RFX2: variants seen among roughly 807,000 people sequenced by gnomAD.
RFX2 encodes the protein regulatory factor X2, also known as DNA-binding protein RFX2.
RFX2 carries 20 observed loss-of-function variants against 87.8 expected under a neutral mutation model. The ratio of observed to expected loss-of-function variants is 0.23; its 90% CI spans 0.16 to 0.33. The LOEUF (loss-of-function observed/expected upper bound fraction) is 0.33. RFX2 is among the 10% of genes least tolerant of loss of function. The probability of loss-of-function intolerance (pLI) is 1.00; values close to 1 mark genes in which losing one functional copy is unlikely to be tolerated. For synonymous variants in RFX2, 397 were observed against 431.3 expected (o/e 0.92, Z 0.98); for missense variants, 767 against 1,012.3 (o/e 0.76, Z 3.29).
rs1000954125 is a variant in RFX2 at position 5,993,262 on chromosome 19, T to C, written c.*1573A>G. Reference sequence around the variant, plus strand: ...CTTCAGTGTCTCCAAGGAGAGGAGATGTATATTTTAAAGACATTCTTTCTG... The same window carrying C: ...CTTCAGTGTCTCCAAGGAGAGGAGACGTATATTTTAAAGACATTCTTTCTG... On this transcript the variant is annotated 3_prime_UTR_variant, in exon 18 of 18. Transcript: ENST00000303657. 2 of 152,202 alleles carry C rather than the reference T, an allele frequency of 1.3e-5. No homozygotes were observed. The highest frequency in any genetic ancestry group is 6.5e-5 in the Admixed American group (1 of 15,280). The allele number at this position is 152,202 out of a possible 1,614,324, so 9.4% of individuals were successfully genotyped here.
Position 6,002,615 on chromosome 19 carries a change from G to C in RFX2, c.1650+106C>G. ...TGTCATGCAACAGAACCGTGGCCAGGCTCGGGGCAGGGGCCAGGTTGTGCC... is the reference window on the plus strand; with the variant it reads ...TGTCATGCAACAGAACCGTGGCCAGCCTCGGGGCAGGGGCCAGGTTGTGCC... On this transcript the variant is annotated intron_variant, in intron 14 of 17. Transcript: ENST00000303657. This position sits in a 1 kb window ranked among gnomAD's most constrained non-coding sequence, Gnocchi z 6.7. 1 of 1,410,258 alleles carries C rather than the reference G, an allele frequency of 7.1e-7. No homozygotes were observed. 87.4% of individuals were successfully genotyped at this position (1,410,258 alleles called of 1,614,324 possible).
chr19:6,004,406 T>C lies in RFX2; in HGVS notation c.1403-108A>G, dbSNP rs59479675. On this transcript the variant is annotated intron_variant, in intron 12 of 17. Transcript: ENST00000303657. This position sits in a 1 kb window ranked among gnomAD's most constrained non-coding sequence, Gnocchi z 4.8. ...CCAAGTGCGATGAAAATGACCACCA[T>C]GAAGAACGAGCCACACAGGCGACGG... The C allele has an allele frequency of 7.2e-4, 660 of 913,182 alleles. 5 individuals are homozygous for C. The African/African-American group carries it at 1.0e-2, about 14-fold the overall frequency. The allele number at this position is 913,182 out of a possible 1,614,324, so 56.6% of individuals were successfully genotyped here.
At chr19:6,066,270 C>T (rs892759707) in intron 1 of RFX2, among the ~76,000 whole-genome samples, 12 of 152,298 alleles carry the variant, frequency 7.9e-5, no homozygotes, top group Non-Finnish European at 1.5e-5. Context: ...AACTTCTTAA[C>T]AGGAACATTG....
chr19:6,097,534 C>T (rs1328136274), intron 1 of RFX2, among the ~76,000 whole-genome samples: 2 of 152,132 alleles, frequency 1.3e-5, no homozygotes, highest in African/African-American at 2.4e-5. Context: ...ACATGTAATA[C>T]ACCAGGCACA....
intron 1 of RFX2, among the ~76,000 whole-genome samples, chr19:6,086,533 T>C (rs1404615588): frequency 6.6e-6 from 1 of 152,202 alleles, no homozygotes; most frequent in Non-Finnish European, 1.5e-5. Context: ...TGGGATCACT[T>C]GTATATGTGG....
At chr19:6,029,475 A>G (rs1342523318) in intron 5 of RFX2, among the ~76,000 whole-genome samples, 2 of 152,120 alleles carry the variant, frequency 1.3e-5, no homozygotes, top group Non-Finnish European at 2.9e-5. Flanking sequence ...TGGGAGGGTG[A>G]GTTGGGTGGA....
At chr19:6,104,062 C>G (rs1343156175) in intron 1 of RFX2, among the ~76,000 whole-genome samples, 1 of 152,094 alleles carries the variant, frequency 6.6e-6, no homozygotes, top group Non-Finnish European at 1.5e-5. Context: ...AACCTTGCCC[C>G]AGAGCCACTA....
intron 5 of RFX2, among the ~76,000 whole-genome samples, chr19:6,034,350 T>C (rs953823990): frequency 6.6e-6 from 1 of 151,324 alleles, no homozygotes; most frequent in African/African-American, 2.4e-5. Flanking sequence ...TGCCTCAGCC[T>C]CCCGATGAGC....
chr19:6,094,678 C>G (rs147165510), intron 1 of RFX2, among the ~76,000 whole-genome samples: 182 of 152,132 alleles, frequency 1.2e-3, no homozygotes, highest in Non-Finnish European at 1.7e-3. Flanking sequence ...CTGGTCCGAA[C>G]TAACATTTCT....
At chr19:6,014,733 C>A (rs970872622) in intron 7 of RFX2, among the ~76,000 whole-genome samples, 9 of 152,182 alleles carry the variant, frequency 5.9e-5, no homozygotes, top group Non-Finnish European at 1.2e-4. Context: ...ACCAGGCTTC[C>A]CTGTGGCTTC....
At chr19:6,073,521 A>T in intron 1 of RFX2, 1 of 711,320 alleles carries the variant, frequency 1.4e-6, no homozygotes, top group South Asian at 2.0e-5. Flanking sequence ...CGCAGTGAAG[A>T]AAATGAGTAG....
rs747827636 is a variant in RFX2 at position 6,047,379 on chromosome 19, C to A, written c.90+28G>T. On this transcript the variant is annotated intron_variant, in intron 2 of 17. Coordinates refer to ENST00000303657, the MANE Select transcript of RFX2 (RefSeq NM_000635.4). This position sits in a 1 kb window ranked among gnomAD's most constrained non-coding sequence, Gnocchi z 4.2. ...GAGATCGCGTCCACACTGTGGCCAC[C>A]CTGTTGTTGCTGAGAGGCGCGCGTT... is the stretch of plus-strand genomic sequence containing the variant. 3.2e-6 allele frequency: 5 copies of A among 1,580,056 alleles called. No homozygotes were observed. Among genetic ancestry groups the A allele is most frequent in the Admixed American group, 1.8e-5 (1 of 55,694 alleles).
chr19:6,047,938 G>A lies in RFX2; in HGVS notation c.-8-434C>T, dbSNP rs1435053809. ...GACAACGGGAGAAACTCTAAGGCTG[G>A]GTTTCCCCACTGTGGCACCGTTGAC... On this transcript the variant is annotated intron_variant, in intron 1 of 17. Coordinates refer to ENST00000303657, the MANE Select transcript of RFX2 (RefSeq NM_000635.4). The surrounding 1 kb of genome is among the most constrained non-coding windows in gnomAD (Gnocchi z 4.2). Among the ~76,000 whole-genome samples, 1 of 152,222 alleles carries A rather than the reference G, an allele frequency of 6.6e-6. No homozygotes were observed. The highest frequency in any genetic ancestry group is 1.5e-5 in the Non-Finnish European group (1 of 68,032).
intron 1 of RFX2, among the ~76,000 whole-genome samples, chr19:6,053,727 G>A (rs894198985): frequency 8.5e-5 from 13 of 152,216 alleles, no homozygotes; most frequent in African/African-American, 2.4e-4. Flanking sequence ...GGCCGAGGGC[G>A]GGTGGATCAC....
At chr19:6,073,469 C>T (rs552200199) in intron 1 of RFX2, 62 of 849,152 alleles carry the variant, frequency 7.3e-5, no homozygotes, top group Admixed American at 6.7e-4. Flanking sequence ...TGGAAAGGGC[C>T]GCCCAGCTGC....
intron 6 of RFX2, among the ~76,000 whole-genome samples, chr19:6,019,434 G>A (rs1009432118): frequency 6.6e-6 from 1 of 151,832 alleles, no homozygotes; most frequent in African/African-American, 2.4e-5. Flanking sequence ...AAGAGCTTAA[G>A]AGCTCCGGAG....
intron 1 of RFX2, among the ~76,000 whole-genome samples, chr19:6,069,018 G>A (rs1387642307): frequency 1.3e-5 from 2 of 152,132 alleles, no homozygotes; most frequent in Non-Finnish European, 2.9e-5. Context: ...ACGGGTCAAG[G>A]GTACCTCCAA....
At chr19:6,003,581 A>G (rs1413189069) in intron 13 of RFX2, among the ~76,000 whole-genome samples, 1 of 151,940 alleles carries the variant, frequency 6.6e-6, no homozygotes, top group Non-Finnish European at 1.5e-5. Context: ...GTTCGAGACC[A>G]GCCTGGCCAA....
At position 6,074,848 on chromosome 19, in the gene RFX2, G is replaced by A. The variant is rs933982275; in HGVS notation, c.-8-27344C>T. Among the ~76,000 whole-genome samples, 2 of 152,214 alleles carry A rather than the reference G, an allele frequency of 1.3e-5. No individual in the cohort carries two copies. The highest frequency in any genetic ancestry group is 2.4e-5 in the African/African-American group (1 of 41,462). ...GGACATGTGGGGTCACACGGGTCAC[G>A]TGAGGAGGCCACCAGAGGGAGCTGG... is the stretch of plus-strand genomic sequence containing the variant. On this transcript the variant is annotated intron_variant, in intron 1 of 17. Coordinates refer to ENST00000303657, the MANE Select transcript of RFX2 (RefSeq NM_000635.4). This position sits in a 1 kb window ranked among gnomAD's most constrained non-coding sequence, Gnocchi z 5.2.
Sources: gnomAD v4.1 joint callset for allele counts (sites outside exome capture counted in the v4.1 genomes callset) on GRCh38, gnomAD v4.1.1 for gene constraint, Gnocchi (gnomAD v3.1) non-coding constraint, MANE v1.5 for transcripts, NCBI Gene and HGNC (gene_info 2026-07-23, HGNC 2026-07-21) for gene names.